RBFOX1: variants seen among roughly 807,000 people sequenced by gnomAD.
RBFOX1 encodes RNA binding fox-1 homolog 1, also known as RNA binding protein fox-1 homolog 1.
A neutral mutation model predicts 57.7 loss-of-function variants in RBFOX1; 8 were observed. The observed-to-expected ratio is 0.14, with a 90% CI of 0.08 to 0.25. The LOEUF is 0.25. Ranked by LOEUF, RBFOX1 falls within the 10% of genes least tolerant of loss-of-function variation. The probability of loss-of-function intolerance (pLI) is 1.00; values close to 1 mark genes in which losing one functional copy is unlikely to be tolerated. For missense variants in RBFOX1, 611 were observed against 548.5 expected, an observed-to-expected ratio of 1.11 and a Z score of -1.14; for synonymous variants, 326 against 222.4, an observed-to-expected ratio of 1.47 and a Z score of -4.15.
intron 2 of RBFOX1, among the ~76,000 whole-genome samples, chr16:6,573,389 T>A (rs895846025): frequency 8.5e-5 from 13 of 152,296 alleles, no homozygotes; most frequent in African/African-American, 2.6e-4. Flanking sequence ...TCTTTACAGC[T>A]GTTACTTTAT....
At position 7,475,146 on chromosome 16, in the gene RBFOX1, C is replaced by G. The variant is rs550595602; in HGVS notation, c.28-43001C>G. 1.5e-3 allele frequency among the ~76,000 whole-genome samples: 225 copies of G among 152,174 alleles called. 2 individuals are homozygous for G. Among genetic ancestry groups the G allele is most frequent in the Admixed American group, 2.6e-3 (40 of 15,280 alleles). On this transcript the variant is annotated intron_variant, in intron 4 of 15. Coordinates refer to ENST00000550418, the MANE Select transcript of RBFOX1 (RefSeq NM_018723.4). ...GAGCTTTTCTGTAGAGGTTGTCTTTCACGTGGAGACATCTCTGTTCCTTTT... is the reference window on the plus strand; with the variant it reads ...GAGCTTTTCTGTAGAGGTTGTCTTTGACGTGGAGACATCTCTGTTCCTTTT...
chr16:5,337,251 A>G (rs553964095), intron 1 of RBFOX1, among the ~76,000 whole-genome samples: 5 of 152,284 alleles, frequency 3.3e-5, no homozygotes, highest in African/African-American at 1.2e-4. Context: ...TCATGCAGGG[A>G]TGATGGCCTA....
At chr16:7,285,583 T>A (rs1435304557) in intron 4 of RBFOX1, among the ~76,000 whole-genome samples, 2 of 151,964 alleles carry the variant, frequency 1.3e-5, no homozygotes, top group African/African-American at 2.4e-5. Flanking sequence ...AAACACTAAT[T>A]TTCTCTCTAT....
chr16:6,519,256 T>C (rs1308160839), intron 2 of RBFOX1, among the ~76,000 whole-genome samples: 1 of 152,172 alleles, frequency 6.6e-6, no homozygotes, highest in Non-Finnish European at 1.5e-5. Flanking sequence ...GAGTGCTCTG[T>C]GCACCAGAAA....
intron 4 of RBFOX1, among the ~76,000 whole-genome samples, chr16:5,984,715 T>C (rs796525380): frequency 4.6e-5 from 7 of 152,120 alleles, no homozygotes; most frequent in Admixed American, 1.3e-4. Context: ...TATGGGAACA[T>C]CACAGAAGGC....
intron 4 of RBFOX1, among the ~76,000 whole-genome samples, chr16:7,331,894 G>A (rs11863045): frequency 6.6e-6 from 1 of 152,070 alleles, no homozygotes; most frequent in African/African-American, 2.4e-5. Flanking sequence ...ATGATTGCTT[G>A]GGTATTTTCA....
chr16:5,290,071 C>T (rs2063496410), intron 1 of RBFOX1, among the ~76,000 whole-genome samples: 1 of 152,176 alleles, frequency 6.6e-6, no homozygotes, highest in African/African-American at 2.4e-5. Context: ...ACACGTGCTA[C>T]AACACGGATG....
intron 3 of RBFOX1, among the ~76,000 whole-genome samples, chr16:5,631,553 A>AT (rs56969958): frequency 2.0e-5 from 3 of 150,714 alleles, no homozygotes; most frequent in Non-Finnish European, 3.0e-5. Flanking sequence ...GAGACTCCAT[A>AT]TTTAAAAAAA....
intron 2 of RBFOX1, among the ~76,000 whole-genome samples, chr16:5,499,506 AAC>A: frequency 6.6e-6 from 1 of 152,188 alleles, no homozygotes; most frequent in South Asian, 2.1e-4. Flanking sequence ...TACATCACTT[AAC>A]CAAATCCACA....
intron 1 of RBFOX1, among the ~76,000 whole-genome samples, chr16:5,458,914 T>G (rs2068710215): frequency 6.6e-6 from 1 of 152,274 alleles, no homozygotes. Flanking sequence ...CTCATAGTCT[T>G]GTGGCAGAAG....
intron 4 of RBFOX1, among the ~76,000 whole-genome samples, chr16:7,236,472 T>A (rs1053549497): frequency 1.3e-5 from 2 of 152,140 alleles, no homozygotes; most frequent in African/African-American, 4.8e-5. Flanking sequence ...AGAATCTCTT[T>A]CTGCTCCATG....
rs566799840 is a variant in RBFOX1, at chr16:7,264,686, C to G, written c.27+212588C>G. 2.6e-5 allele frequency among the ~76,000 whole-genome samples: 4 copies of G among 152,114 alleles called. No individual in the cohort carries two copies. The South Asian group carries it at 8.3e-4, about 32-fold the overall frequency. On this transcript the variant is annotated intron_variant, in intron 4 of 15. Coordinates refer to ENST00000550418, the MANE Select transcript of RBFOX1 (RefSeq NM_018723.4). ...TCAGGTGTCATGCAATCTTATTTTT[C>G]TTTGGATTTTTCTCAACTTTTTTTT...
intron 3 of RBFOX1, among the ~76,000 whole-genome samples, chr16:6,980,955 A>T (rs961890753): frequency 6.8e-6 from 1 of 147,686 alleles, no homozygotes; most frequent in Admixed American, 6.9e-5. Flanking sequence ...AGGCATGAGA[A>T]TCCCTTGAAC....
intron 5 of RBFOX1, among the ~76,000 whole-genome samples, chr16:7,534,752 G>C (rs2081075734): frequency 6.8e-6 from 1 of 147,364 alleles, no homozygotes; most frequent in Admixed American, 6.8e-5. Flanking sequence ...ACTCGTAGCA[G>C]AAGAAAATCC....
intron 3 of RBFOX1, among the ~76,000 whole-genome samples, chr16:6,751,306 G>A (rs558364987): frequency 6.6e-6 from 1 of 152,222 alleles, no homozygotes; most frequent in South Asian, 2.1e-4. Flanking sequence ...GCAGTGGTAC[G>A]GGAGAGAAAT....
intron 4 of RBFOX1, among the ~76,000 whole-genome samples, chr16:7,308,927 G>T (rs1334492300): frequency 6.6e-6 from 1 of 152,210 alleles, no homozygotes; most frequent in Non-Finnish European, 1.5e-5. Context: ...TTTATAGGGG[G>T]CCAAATGGAA....
intron 1 of RBFOX1, among the ~76,000 whole-genome samples, chr16:6,100,338 A>G (rs2096289960): frequency 6.6e-6 from 1 of 152,040 alleles, no homozygotes; most frequent in Non-Finnish European, 1.5e-5. Flanking sequence ...AATGTTTTGT[A>G]TTTTTAGTAG....
At chr16:5,814,024 A>G (rs997042874) in intron 3 of RBFOX1, among the ~76,000 whole-genome samples, 1 of 152,212 alleles carries the variant, frequency 6.6e-6, no homozygotes, top group Non-Finnish European at 1.5e-5. Context: ...AGCAATTAGG[A>G]TAGTAATGGT....
intron 2 of RBFOX1, among the ~76,000 whole-genome samples, chr16:5,468,502 C>T (rs1178414874): frequency 1.3e-5 from 2 of 152,140 alleles, no homozygotes; most frequent in East Asian, 1.9e-4. Flanking sequence ...GCAGTTCCTC[C>T]AAAAGTTAAA....
Sources: gnomAD v4.1 joint callset for allele counts (sites outside exome capture counted in the v4.1 genomes callset) on GRCh38, gnomAD v4.1.1 for gene constraint, MANE v1.5 for transcripts, NCBI Gene and HGNC (gene_info 2026-07-23, HGNC 2026-07-21) for gene names.